GABRB3: variants seen among roughly 807,000 people sequenced by gnomAD.
GABRB3 encodes the protein gamma-aminobutyric acid type A receptor subunit beta3.
Under a neutral mutation model 52.1 loss-of-function variants are expected in GABRB3, and 14 were observed. That is an observed-to-expected ratio of 0.27 (90% CI 0.18 to 0.42). The LOEUF (loss-of-function observed/expected upper bound fraction) is 0.42. GABRB3 is among the 10% of genes least tolerant of loss of function. The probability of loss-of-function intolerance (pLI) is 1.00; values close to 1 mark genes in which losing one functional copy is unlikely to be tolerated. For missense variants in GABRB3, 307 were observed against 609.1 expected (o/e 0.50, Z 5.22); for synonymous variants, 260 against 232.3 (o/e 1.12, Z -1.08).
intron 3 of GABRB3, among the ~76,000 whole-genome samples, chr15:26,709,202 A>C (rs1367870455): frequency 6.6e-6 from 1 of 152,178 alleles, no homozygotes; most frequent in Non-Finnish European, 1.5e-5. Flanking sequence ...CTTATGTTGA[A>C]CTTTGATTCC....
intron 7 of GABRB3, among the ~76,000 whole-genome samples, chr15:26,561,655 G>A (rs1377824290): frequency 2.6e-5 from 4 of 152,254 alleles, no homozygotes; most frequent in Non-Finnish European, 5.9e-5. Context: ...AGAGCTCAGT[G>A]AGGCAGCCTG....
In GABRB3 at chr15:26,672,803, C is replaced by T. The variant is rs79403900; in HGVS notation, c.241-51269G>A. On this transcript the variant is annotated intron_variant, in intron 3 of 8. Coordinates refer to ENST00000311550, the MANE Select transcript of GABRB3 (RefSeq NM_000814.6). Reference sequence around the variant, plus strand: ...AGCAGATGCGCAATGTTTACAAGGACGGATGAAAAATATGTGATGGAGGAA... The same window carrying T: ...AGCAGATGCGCAATGTTTACAAGGATGGATGAAAAATATGTGATGGAGGAA... Among the ~76,000 whole-genome samples the T allele has an allele frequency of 7.0e-3, 1,059 of 151,914 alleles. 16 individuals are homozygous for T. Among genetic ancestry groups the T allele is most frequent in the African/African-American group, 0.025 (1,028 of 41,388 alleles).
intron 3 of GABRB3, among the ~76,000 whole-genome samples, chr15:26,762,848 T>A (rs1890857103): frequency 1.3e-5 from 2 of 152,166 alleles, no homozygotes; most frequent in African/African-American, 4.8e-5. Flanking sequence ...ATTGTTTTAG[T>A]CCATGCCACA....
At chr15:26,754,908 C>T (rs34466522) in intron 3 of GABRB3, among the ~76,000 whole-genome samples, 32,541 of 152,020 alleles carry the variant, frequency 0.21, 4,386 homozygotes, top group East Asian at 0.44. Context: ...TCGGCTCAGC[C>T]GTGGAGATAA....
intron 5 of GABRB3, among the ~76,000 whole-genome samples, chr15:26,581,949 A>ATAAAGT (rs1890805951): frequency 6.6e-6 from 1 of 152,014 alleles, no homozygotes; most frequent in Non-Finnish European, 1.5e-5. Flanking sequence ...CCGTGCCTAC[A>ATAAAGT]TAATGTCCAG....
chr15:26,631,022 A>G (rs1892899445), intron 3 of GABRB3, among the ~76,000 whole-genome samples: 1 of 152,240 alleles, frequency 6.6e-6, no homozygotes, highest in African/African-American at 2.4e-5. Flanking sequence ...CACGAGGACT[A>G]GCCCAGGCTC....
chr15:26,769,555 G>A lies in GABRB3; in HGVS notation c.240+2847C>T, dbSNP rs1170343499. ...GGGTTTGTCTTGCTTTTCCAACTTC[G>A]TCTCTGGAATCTCCCCTTCTAAATC... On this transcript the variant is annotated intron_variant, in intron 3 of 8. Transcript: ENST00000311550. Among the ~76,000 whole-genome samples, 132 of 152,134 alleles carry A rather than the reference G, an allele frequency of 8.7e-4. 3 individuals carry two copies. Among genetic ancestry groups the A allele is most frequent in the Admixed American group, 3.9e-4 (6 of 15,278 alleles).
intron 3 of GABRB3, among the ~76,000 whole-genome samples, chr15:26,769,377 TAA>T (rs1891083545): frequency 6.6e-6 from 1 of 152,208 alleles, no homozygotes; most frequent in Non-Finnish European, 1.5e-5. Context: ...ATCCTCTATC[TAA>T]ATTAACTTTT....
At chr15:26,562,385 T>A (rs1028917196) in intron 7 of GABRB3, among the ~76,000 whole-genome samples, 3 of 152,310 alleles carry the variant, frequency 2.0e-5, no homozygotes, top group Non-Finnish European at 4.4e-5. Flanking sequence ...AATAGGTTCC[T>A]CCGCATTGCT....
chr15:26,662,859 G>A (rs1293482198), intron 3 of GABRB3, among the ~76,000 whole-genome samples: 11 of 152,196 alleles, frequency 7.2e-5, no homozygotes, highest in Admixed American at 2.6e-4. Context: ...TTCTTCATTT[G>A]CTTTACAGTT....
At chr15:26,664,571 T>TGGTTGCATATATTTATG (rs1375559925) in intron 3 of GABRB3, among the ~76,000 whole-genome samples, 17 of 152,184 alleles carry the variant, frequency 1.1e-4, no homozygotes, top group African/African-American at 4.1e-4. Flanking sequence ...TTAATTATTA[T>TGGTTGCATATATTTATG]GGGTACCTCA....
At chr15:26,731,428 T>C (rs866082865) in intron 3 of GABRB3, among the ~76,000 whole-genome samples, 9 of 152,198 alleles carry the variant, frequency 5.9e-5, no homozygotes, top group African/African-American at 2.2e-4. Context: ...CTTTGCCAGC[T>C]CCATGGACCT....
At chr15:26,603,346 T>A (rs1228239365) in intron 4 of GABRB3, among the ~76,000 whole-genome samples, 1 of 151,966 alleles carries the variant, frequency 6.6e-6, no homozygotes, top group African/African-American at 2.4e-5. Flanking sequence ...ACAACTAATG[T>A]AAATCATACT....
chr15:26,738,801 C>T (rs1566824905), intron 3 of GABRB3, among the ~76,000 whole-genome samples: 1 of 152,110 alleles, frequency 6.6e-6, no homozygotes, highest in Non-Finnish European at 1.5e-5. Context: ...TCCCTGGCTC[C>T]CTGAGCTATC....
intron 3 of GABRB3, among the ~76,000 whole-genome samples, chr15:26,662,280 T>C (rs1640692538): frequency 6.6e-6 from 1 of 152,208 alleles, no homozygotes; most frequent in African/African-American, 2.4e-5. Flanking sequence ...TTCTGTGCTT[T>C]CAAAGATAGC....
Position 26,772,721 on chromosome 15 carries a change from C to A in GABRB3, c.132G>T (p.Leu44=). The part of the protein sequence containing the change: ...MSFVKETVDK[L]LKGYDIRLRP... ...TTAGGCGAATGTCGTAGCCTTTCAA[C>A]AGCTTGTCCACCGTCTCCTTCACAA... Residue 44 remains leucine, a synonymous_variant, in exon 2 of 9, where the codon CTG becomes CTT. Coordinates refer to ENST00000311550, the MANE Select transcript of GABRB3 (RefSeq NM_000814.6). 6.3e-7 allele frequency: 1 copy of A among 1,578,534 alleles called. No homozygotes were observed. The highest frequency in any genetic ancestry group is 1.1e-5 in the South Asian group (1 of 87,728).
intron 5 of GABRB3, among the ~76,000 whole-genome samples, chr15:26,582,730 T>C (rs1477209977): frequency 2.6e-5 from 4 of 152,176 alleles, no homozygotes; most frequent in African/African-American, 7.2e-5. Flanking sequence ...CTAAATCCAA[T>C]TGAGACTAGT....
chr15:26,709,425 T>A (rs541912389), intron 3 of GABRB3, among the ~76,000 whole-genome samples: 2 of 152,052 alleles, frequency 1.3e-5, no homozygotes, highest in South Asian at 4.2e-4. Context: ...GGAAGCTTCC[T>A]GAGGCCTTCA....
At chr15:26,641,563 T>C (rs1028406198) in intron 3 of GABRB3, among the ~76,000 whole-genome samples, 2 of 152,254 alleles carry the variant, frequency 1.3e-5, no homozygotes, top group Admixed American at 1.3e-4. Flanking sequence ...CATTCTATTT[T>C]TGCCCCTCAA....
Sources: gnomAD v4.1 joint callset for allele counts (sites outside exome capture counted in the v4.1 genomes callset) on GRCh38, gnomAD v4.1.1 for gene constraint, MANE v1.5 for transcripts, NCBI Gene and HGNC (gene_info 2026-07-23, HGNC 2026-07-21) for gene names.